Variants in MELK observed in about 807,000 individuals in gnomAD.
MELK encodes the protein maternal embryonic leucine zipper kinase, also known as pEg3 kinase.
MELK carries 81 observed loss-of-function variants against 85.0 expected under a neutral mutation model. That is an observed-to-expected ratio of 0.95 (90% CI 0.80 to 1.15). The LOEUF is 1.15. Ranked by LOEUF, MELK falls within the 50% of genes most tolerant of loss-of-function variation. The pLI, the probability that MELK is intolerant of heterozygous loss-of-function variation, is 0.00. For synonymous variants in MELK, 252 were observed against 265.0 expected, an observed-to-expected ratio of 0.95 and a Z score of 0.48; for missense variants, 754 against 777.5, an observed-to-expected ratio of 0.97 and a Z score of 0.36.
At chr9:36,614,425 G>T (rs1208191060) in intron 8 of MELK, among the ~76,000 whole-genome samples, 363 of 118,976 alleles carry the variant, frequency 3.1e-3, no homozygotes, top group African/African-American at 9.9e-3. Context: ...TTATTTTTGG[G>T]TTTTTTTTTT....
At chr9:36,673,721 C>A (rs1478287327) in intron 16 of MELK, among the ~76,000 whole-genome samples, 1 of 152,164 alleles carries the variant, frequency 6.6e-6, no homozygotes, top group Non-Finnish European at 1.5e-5. Flanking sequence ...CTACACCCGG[C>A]CAACTGTGCA....
Position 36,626,696 on chromosome 9 carries a change from G to A in MELK, c.667-3603G>A, listed in dbSNP as rs146507211. 5.2e-3 allele frequency among the ~76,000 whole-genome samples: 787 copies of A among 152,172 alleles called. 10 individuals carry two copies. The highest frequency in any genetic ancestry group is 0.031 in the Middle Eastern group (9 of 294). ...CAAGAGGCCGGGCATGGTGGCTCAC[G>A]GCTGTAATCCCAGCACTTTGGGAGG... is the stretch of plus-strand genomic sequence containing the variant. On this transcript the variant is annotated intron_variant, in intron 8 of 17. Coordinates refer to ENST00000298048, the MANE Select transcript of MELK (RefSeq NM_014791.4).
chr9:36,589,730 A>G lies in MELK; in HGVS notation c.261+78A>G, dbSNP rs992685231. ...AAAAGAGAAAAGTACATTTCACCTGAAAGATTAGAAGAGATGTTAAGCGAC... is the reference window on the plus strand; with the variant it reads ...AAAAGAGAAAAGTACATTTCACCTGGAAGATTAGAAGAGATGTTAAGCGAC... On this transcript the variant is annotated intron_variant, in intron 4 of 17. Coordinates refer to ENST00000298048, the MANE Select transcript of MELK (RefSeq NM_014791.4). 6.5e-6 allele frequency: 7 copies of G among 1,074,816 alleles called. No individual in the cohort carries two copies. The African/African-American group carries it at 9.4e-5, about 15-fold the overall frequency. The allele number at this position is 1,074,816 out of a possible 1,614,324, so 66.6% of individuals were successfully genotyped here. A position where few individuals can be genotyped will look rare whatever the true frequency, so the allele number is the denominator to read the frequency against.
At chr9:36,636,794 T>TCTGTCTGTCTGTCTGTCTGTCTGTCTG (rs1376599498) in intron 10 of MELK, among the ~76,000 whole-genome samples, 1 of 88,772 alleles carries the variant, frequency 1.1e-5, no homozygotes, top group African/African-American at 4.6e-5. Context: ...CTGTCTGTCT[T>TCTGTCTGTCTGTCTGTCTGTCTGTCTG]TCTTTCTTTC....
At chr9:36,588,369 C>G (rs1172359519) in intron 3 of MELK, among the ~76,000 whole-genome samples, 1 of 148,128 alleles carries the variant, frequency 6.8e-6, no homozygotes, top group Non-Finnish European at 1.5e-5. Flanking sequence ...CGCGCCTGGC[C>G]CAGAGTCCCT....
At chr9:36,601,274 T>C (rs1396152201) in intron 7 of MELK, among the ~76,000 whole-genome samples, 1 of 152,194 alleles carries the variant, frequency 6.6e-6, no homozygotes, top group Non-Finnish European at 1.5e-5. Context: ...CATTTAGTTA[T>C]TGCATTTAGT....
At chr9:36,667,451 C>T (rs371160648) in intron 14 of MELK, among the ~76,000 whole-genome samples, 11 of 152,294 alleles carry the variant, frequency 7.2e-5, no homozygotes, top group East Asian at 3.9e-4. Context: ...CCATTGTGCC[C>T]GGCCCAGGGC....
intron 8 of MELK, among the ~76,000 whole-genome samples, chr9:36,615,204 C>G (rs1031069376): frequency 1.4e-5 from 2 of 143,866 alleles, no homozygotes; most frequent in African/African-American, 5.2e-5. Flanking sequence ...GGGGCTGACC[C>G]CCCCACCTCC....
chr9:36,615,224 G>C (rs1335473604), intron 8 of MELK, among the ~76,000 whole-genome samples: 1 of 134,974 alleles, frequency 7.4e-6, no homozygotes, highest in Admixed American at 7.0e-5. Flanking sequence ...CCTCCCAGAC[G>C]GCACGGCTGG....
At chr9:36,626,503 C>G (rs1303875115) in intron 8 of MELK, among the ~76,000 whole-genome samples, 1 of 152,182 alleles carries the variant, frequency 6.6e-6, no homozygotes, top group East Asian at 1.9e-4. Flanking sequence ...TGCACACTTA[C>G]ACGTAGACAT....
intron 8 of MELK, among the ~76,000 whole-genome samples, chr9:36,617,118 A>C (rs1482306134): frequency 6.6e-6 from 1 of 152,140 alleles, no homozygotes; most frequent in Non-Finnish European, 1.5e-5. Flanking sequence ...AAGATATGTG[A>C]ATTAGTAATT....
intron 10 of MELK, among the ~76,000 whole-genome samples, chr9:36,638,962 C>T (rs896275934): frequency 2.6e-5 from 4 of 152,174 alleles, no homozygotes; most frequent in Non-Finnish European, 5.9e-5. Flanking sequence ...GATTCAAGCT[C>T]AGGGCCCACG....
chr9:36,572,920 T>C lies in MELK; in HGVS notation c.-126T>C, dbSNP rs916707383. ...ACAACCCGGCGATCGAAAAGATTCT[T>C]AGGAACGCCGTACCAGCCGCGTCTC... On this transcript the variant is annotated 5_prime_UTR_variant, in exon 1 of 18. Transcript: ENST00000298048. 2 of 152,000 alleles carry C rather than the reference T, an allele frequency of 1.3e-5. No individual in the cohort carries two copies. Among genetic ancestry groups the C allele is most frequent in the African/African-American group, 2.4e-5 (1 of 41,374 alleles). 9.4% of individuals were successfully genotyped at this position (152,000 alleles called of 1,614,324 possible).
chr9:36,636,729 T>TTTCC (rs1193303967), intron 10 of MELK, among the ~76,000 whole-genome samples: 7 of 35,988 alleles, frequency 1.9e-4, no homozygotes, highest in Non-Finnish European at 3.8e-4. Context: ...AGCAACTGGA[T>TTTCC]TTCTTTCTTT....
chr9:36,602,544 A>T (rs376203344), intron 7 of MELK, among the ~76,000 whole-genome samples: 1 of 146,896 alleles, frequency 6.8e-6, no homozygotes, highest in African/African-American at 2.6e-5. Context: ...ATAATTTTCA[A>T]TTAAGCTCTA....
intron 8 of MELK, among the ~76,000 whole-genome samples, chr9:36,614,582 C>T (rs1218485483): frequency 8.3e-6 from 1 of 120,952 alleles, no homozygotes; most frequent in Non-Finnish European, 1.7e-5. Flanking sequence ...GAGGACCCTG[C>T]GGCCTTCCGC....
chr9:36,609,544 C>T (rs1346594130), intron 8 of MELK, among the ~76,000 whole-genome samples: 1 of 150,904 alleles, frequency 6.6e-6, no homozygotes, highest in Non-Finnish European at 1.5e-5. Context: ...ACCCTCTGGG[C>T]TCAAGTGGTC....
intron 7 of MELK, among the ~76,000 whole-genome samples, chr9:36,603,964 TTTTG>T (rs1027650822): frequency 2.0e-5 from 3 of 152,222 alleles, no homozygotes; most frequent in East Asian, 1.9e-4. Flanking sequence ...TTGTGTGTTT[TTTTG>T]TTTGTTTGTT....
chr9:36,589,920 GTT>G (rs566073692), intron 4 of MELK, among the ~76,000 whole-genome samples: 6 of 125,772 alleles, frequency 4.8e-5, no homozygotes, highest in Non-Finnish European at 3.3e-5. Context: ...ACTCATTCTA[GTT>G]TTTTTTTTTT....
Sources: allele counts gnomAD v4.1 joint callset (sites outside exome capture counted in the v4.1 genomes callset), GRCh38; gene constraint gnomAD v4.1.1; transcripts MANE v1.5; gene names NCBI Gene and HGNC (gene_info 2026-07-23, HGNC 2026-07-21).